Variants in NT5DC1 observed in about 807,000 individuals in gnomAD.
The protein encoded by NT5DC1 is 5'-nucleotidase domain containing 1, also known as 5'-nucleotidase domain-containing protein 1.
Under a neutral mutation model 59.4 loss-of-function variants are expected in NT5DC1, and 42 were observed. The ratio of observed to expected loss-of-function variants is 0.71; its 90% confidence interval spans 0.55 to 0.92. The LOEUF is 0.92. Ranked by LOEUF, NT5DC1 falls within the 40% of genes least tolerant of loss-of-function variation. The probability of loss-of-function intolerance (pLI) is 0.00; values close to 1 mark genes in which losing one functional copy is unlikely to be tolerated. For missense variants in NT5DC1, 501 were observed against 537.1 expected (o/e 0.93, Z 0.66); for synonymous variants, 172 against 188.1 (o/e 0.91, Z 0.70).
At chr6:116,109,336 T>C (rs1420809862) in intron 3 of NT5DC1, among the ~76,000 whole-genome samples, 1 of 152,176 alleles carries the variant, frequency 6.6e-6, no homozygotes, top group Non-Finnish European at 1.5e-5. Flanking sequence ...CCACCTTTGG[T>C]ATTTTGTAGT....
At chr6:116,213,570 T>C (rs979739036) in intron 6 of NT5DC1, among the ~76,000 whole-genome samples, 14 of 152,130 alleles carry the variant, frequency 9.2e-5, no homozygotes, top group African/African-American at 3.4e-4. Flanking sequence ...TCTAGACATA[T>C]GAGGTGGGAG....
rs1270131610 is a variant in NT5DC1, at chr6:116,244,206, C to T, written c.*182C>T. On this transcript the variant is annotated 3_prime_UTR_variant, in exon 12 of 12. Transcript: ENST00000319550. ...TTAACAACTCTTATTATATTAAAAT[C>T]TCAGTATCCTAAAACTTAGAACCTT... is the stretch of plus-strand genomic sequence containing the variant. 1.2e-5 allele frequency: 5 copies of T among 422,350 alleles called. No homozygotes were observed. The highest frequency in any genetic ancestry group is 2.1e-5 in the Non-Finnish European group (5 of 237,222). 26.2% of individuals were successfully genotyped at this position (422,350 alleles called of 1,614,324 possible). A position where few individuals can be genotyped will look rare whatever the true frequency, so the allele number is the denominator to read the frequency against.
At chr6:116,114,561 A>T (rs1158519142) in intron 4 of NT5DC1, among the ~76,000 whole-genome samples, 2 of 150,102 alleles carry the variant, frequency 1.3e-5, no homozygotes, top group African/African-American at 4.9e-5. Flanking sequence ...AAATCAGGTG[A>T]TTATAATGAT....
chr6:116,187,034 G>C (rs1363070089), intron 6 of NT5DC1, among the ~76,000 whole-genome samples: 1 of 152,022 alleles, frequency 6.6e-6, no homozygotes, highest in Admixed American at 6.6e-5. Context: ...CTACCGTTCA[G>C]ATTCTTTTGT....
At chr6:116,135,834 G>GATAT (rs199827970) in intron 6 of NT5DC1, among the ~76,000 whole-genome samples, 6,013 of 100,988 alleles carry the variant, frequency 0.06, 188 homozygotes, top group Non-Finnish European at 0.076. Context: ...TATATTTTCA[G>GATAT]ATATATATAT....
rs748535975 is a variant in NT5DC1, at chr6:116,108,393, A to G, written c.215A>G (p.Asp72Gly). The G allele has an allele frequency of 1.2e-6, 2 of 1,610,186 alleles. No individual in the cohort carries two copies. Among genetic ancestry groups the G allele is most frequent in the African/African-American group, 1.3e-5 (1 of 74,966 alleles). Residue 72 changes from aspartate to glycine, a missense_variant, in exon 3 of 12, where the codon GAT becomes GGT. Physicochemically the swap from Asp to Gly is moderately conservative, Grantham distance 94. Coordinates refer to ENST00000319550, the MANE Select transcript of NT5DC1 (RefSeq NM_152729.3). ...AAAGGTTTGGCATTGGATCTAGAAG[A>G]TGGGAACTTCCTTAAACTTGCAAAT... ...CCKGLALDLE[D>G]GNFLKLANNG...
At position 116,106,322 on chromosome 6, in the gene NT5DC1, G is replaced by T; in HGVS notation, c.172G>T (p.Asp58Tyr). 6.6e-7 allele frequency: 1 copy of T among 1,515,962 alleles called. No individual in the cohort carries two copies. The allele number at this position is 1,515,962 out of a possible 1,614,324, so 93.9% of individuals were successfully genotyped here. Residue 58 changes from aspartate (D) to tyrosine (Y), a missense_variant, in exon 2 of 12, where the codon GAT becomes TAT. Coordinates refer to ENST00000319550, the MANE Select transcript of NT5DC1 (RefSeq NM_152729.3). ...DKELLNVTPEDWDFCCKGLAL... is the reference protein window; with the variant it reads ...DKELLNVTPEYWDFCCKGLAL... The stretch of plus-strand genomic sequence containing the variant: ...GGAATTGCTCAATGTGACCCCAGAG[G>T]ATTGGGATTTCTGGTAAGTTCTTTT...
chr6:116,155,020 G>T (rs1186090770), intron 6 of NT5DC1, among the ~76,000 whole-genome samples: 1 of 152,174 alleles, frequency 6.6e-6, no homozygotes, highest in Non-Finnish European at 1.5e-5. Context: ...AATGAGGCTG[G>T]TATAACAGAA....
At chr6:116,147,013 A>T (rs867789501) in intron 6 of NT5DC1, among the ~76,000 whole-genome samples, 16 of 148,670 alleles carry the variant, frequency 1.1e-4, no homozygotes, top group East Asian at 9.7e-4. Flanking sequence ...ATATATATAT[A>T]TTTTTAATCA....
chr6:116,241,751 G>A (rs1204820), intron 11 of NT5DC1, among the ~76,000 whole-genome samples: 64,362 of 150,190 alleles, frequency 0.43, 17,617 homozygotes, highest in African/African-American at 0.78. Flanking sequence ...GTGAAACCCC[G>A]TCTCTACCAA....
At chr6:116,154,281 T>C (rs954544676) in intron 6 of NT5DC1, among the ~76,000 whole-genome samples, 2 of 152,202 alleles carry the variant, frequency 1.3e-5, no homozygotes, top group Non-Finnish European at 2.9e-5. Context: ...TCAACATAGC[T>C]GGAGTAGGTT....
intron 6 of NT5DC1, among the ~76,000 whole-genome samples, chr6:116,170,818 C>T (rs1330681093): frequency 6.6e-6 from 1 of 152,146 alleles, no homozygotes; most frequent in Non-Finnish European, 1.5e-5. Context: ...GAAGATCTTG[C>T]AGTTCTCACT....
chr6:116,142,622 A>G (rs1779796299), intron 6 of NT5DC1, among the ~76,000 whole-genome samples: 1 of 152,190 alleles, frequency 6.6e-6, no homozygotes, highest in Non-Finnish European at 1.5e-5. Flanking sequence ...GAATGTCTTC[A>G]GCGAGCTGGG....
chr6:116,132,541 C>T (rs1779495255), intron 6 of NT5DC1, among the ~76,000 whole-genome samples: 2 of 151,600 alleles, frequency 1.3e-5, no homozygotes, highest in Admixed American at 6.6e-5. Flanking sequence ...ATTGTTCTTT[C>T]ATAGACTCAG....
intron 1 of NT5DC1, among the ~76,000 whole-genome samples, chr6:116,103,706 A>G (rs992253039): frequency 3.9e-5 from 6 of 152,134 alleles, no homozygotes; most frequent in Non-Finnish European, 8.8e-5. Context: ...TAACAACTGC[A>G]CAGAGTTGTG....
intron 6 of NT5DC1, among the ~76,000 whole-genome samples, chr6:116,146,205 A>C (rs1408912240): frequency 2.6e-5 from 4 of 152,200 alleles, no homozygotes; most frequent in Non-Finnish European, 5.9e-5. Context: ...ATGATAAAGG[A>C]ATATAGATAA....
chr6:116,171,638 CT>C (rs567706097), intron 6 of NT5DC1, among the ~76,000 whole-genome samples: 23 of 152,256 alleles, frequency 1.5e-4, no homozygotes, highest in Non-Finnish European at 2.5e-4. Context: ...TTTGACTTGG[CT>C]GAATTCTCTC....
chr6:116,108,601 T>G (rs1309907596), intron 3 of NT5DC1, among the ~76,000 whole-genome samples, 166 bp downstream of exon 3: 2 of 152,218 alleles, frequency 1.3e-5, no homozygotes. Flanking sequence ...GCCATTTAAA[T>G]ATGAATTTGT....
intron 6 of NT5DC1, among the ~76,000 whole-genome samples, chr6:116,131,628 A>G (rs902518958): frequency 6.6e-6 from 1 of 152,150 alleles, no homozygotes; most frequent in Non-Finnish European, 1.5e-5. Flanking sequence ...CCATTGCCCT[A>G]TAGGTGGACA....
Sources: allele counts gnomAD v4.1 joint callset (sites outside exome capture counted in the v4.1 genomes callset), GRCh38; gene constraint gnomAD v4.1.1; transcripts MANE v1.5; gene names NCBI Gene and HGNC (gene_info 2026-07-23, HGNC 2026-07-21).